Variants in LSM12 observed in about 807,000 individuals in gnomAD.
The protein encoded by LSM12 is LSM12 homolog.
For missense variants in LSM12, 108 were observed against 238.9 expected, an observed-to-expected ratio of 0.45 and a Z score of 3.61; for synonymous variants, 74 against 87.3, an observed-to-expected ratio of 0.85 and a Z score of 0.85.
intron 1 of LSM12, 112 bp from the exon 2 acceptor site, chr17:44,064,046 G>A (rs2049835242): frequency 1.7e-6 from 2 of 1,144,628 alleles, no homozygotes; most frequent in African/African-American, 3.1e-5. Flanking sequence ...GGCAGGCCAG[G>A]AGCATGAGGG....
intron 2 of LSM12, among the ~76,000 whole-genome samples, chr17:44,060,645 T>A (rs937591131): frequency 3.3e-5 from 5 of 152,194 alleles, no homozygotes; most frequent in African/African-American, 9.6e-5. Flanking sequence ...GTAAGAAAAG[T>A]AAAGATTTCT....
chr17:44,063,658 T>C (rs896146990), intron 2 of LSM12, 143 bp downstream of exon 2: 3 of 1,001,088 alleles, frequency 3.0e-6, no homozygotes, highest in Non-Finnish European at 4.1e-6. Flanking sequence ...AAACTAAACC[T>C]ACATTTTTTA....
intron 4 of LSM12, among the ~76,000 whole-genome samples, chr17:44,036,690 A>G (rs544238030): frequency 3.0e-5 from 3 of 100,028 alleles, no homozygotes; most frequent in African/African-American, 1.5e-4. Context: ...TCCTCAGAGG[A>G]AAAAAAAAAA....
intron 2 of LSM12, among the ~76,000 whole-genome samples, chr17:44,044,981 G>C (rs1033768051): frequency 2.6e-5 from 4 of 152,178 alleles, no homozygotes; most frequent in Non-Finnish European, 4.4e-5. Context: ...AGAAAGTGTA[G>C]AATGTGCCTT....
intron 2 of LSM12, among the ~76,000 whole-genome samples, chr17:44,061,700 G>C (rs1319366798): frequency 5.3e-5 from 8 of 152,112 alleles, no homozygotes; most frequent in Non-Finnish European, 1.2e-4. Flanking sequence ...CCCAAGAGAG[G>C]CAAAGTAATA....
chr17:44,053,173 C>T (rs867547323), intron 2 of LSM12, among the ~76,000 whole-genome samples: 1 of 152,184 alleles, frequency 6.6e-6, no homozygotes, highest in Non-Finnish European at 1.5e-5. Context: ...GCTCACTACT[C>T]TATACCAAGG....
intron 2 of LSM12, among the ~76,000 whole-genome samples, chr17:44,055,417 T>C (rs886668032): frequency 6.6e-6 from 1 of 151,054 alleles, no homozygotes; most frequent in African/African-American, 2.4e-5. Flanking sequence ...ATACCAGCAC[T>C]TTCGGAGGCT....
intron 2 of LSM12, among the ~76,000 whole-genome samples, chr17:44,057,623 G>A (rs1265932144): frequency 6.6e-6 from 1 of 151,490 alleles, no homozygotes; most frequent in African/African-American, 2.4e-5. Flanking sequence ...AGCCAGCTGT[G>A]GTGGCAGATG....
intron 4 of LSM12, 80 bp from the exon 5 acceptor site, chr17:44,036,380 C>A: frequency 6.4e-7 from 1 of 1,573,036 alleles, no homozygotes; most frequent in Non-Finnish European, 8.7e-7. Context: ...CAGGTTTCCA[C>A]AGCCCCATCC....
chr17:44,052,358 C>T (rs1378672358), intron 2 of LSM12, among the ~76,000 whole-genome samples: 1 of 151,934 alleles, frequency 6.6e-6, no homozygotes, highest in Non-Finnish European at 1.5e-5. Context: ...TTGGCATGCA[C>T]CTGTAGTCTC....
upstream of LSM12, chr17:44,066,762 A>G (rs1480954533): frequency 6.4e-6 from 5 of 776,206 alleles, no homozygotes; most frequent in Non-Finnish European, 8.6e-6. Flanking sequence ...AAGAGGAAAT[A>G]AAGGGGAATC....
intron 3 of LSM12, 22 bp from the exon 4 acceptor site, chr17:44,037,560 C>A (rs778506707): frequency 1.9e-6 from 3 of 1,593,902 alleles, no homozygotes; most frequent in Non-Finnish European, 2.6e-6. Flanking sequence ...AGACAGCAGG[C>A]GAAATGTAAC....
chr17:44,044,452 C>T (rs1293566034), intron 2 of LSM12, among the ~76,000 whole-genome samples: 1 of 152,114 alleles, frequency 6.6e-6, no homozygotes, highest in African/African-American at 2.4e-5. Context: ...GCAAACATCC[C>T]AAATGCTAAA....
Position 44,036,237 on chromosome 17 carries a change from G to C in LSM12, c.559C>G (p.Pro187Ala). 6.2e-7 allele frequency: 1 copy of C among 1,613,368 alleles called. No individual in the cohort carries two copies. The highest frequency in any genetic ancestry group is 8.5e-7 in the Non-Finnish European group (1 of 1,179,896). Residue 187 changes from proline to alanine, a missense_variant, in exon 5 of 5, where the codon CCA (proline) becomes GCA (alanine). Pro to Ala is a conservative substitution (Grantham distance 27, BLOSUM62 -1). Coordinates refer to ENST00000293406, the MANE Select transcript of LSM12 (RefSeq NM_001371445.1). ...GATGACAGGGCAGCCTCCTTCTGTG[G>C]TTGCTGGGCTTGTGAACGTTGCAGT... ...KILQRSQAQQ[P>A]QKEAALSS
chr17:44,036,581 C>T (rs1475593742), intron 4 of LSM12, among the ~76,000 whole-genome samples: 1 of 152,144 alleles, frequency 6.6e-6, no homozygotes, highest in African/African-American at 2.4e-5. Flanking sequence ...ATGACCTAAA[C>T]TCCTCCTCTC....
At position 44,041,290 on chromosome 17, in the gene LSM12, AACACACACACACACAC is replaced by A. The variant is rs72358942; in HGVS notation, c.259-1050_259-1035del. On this transcript the variant is annotated intron_variant, in intron 2 of 4. Coordinates refer to ENST00000293406, the MANE Select transcript of LSM12 (RefSeq NM_001371445.1). ...TGTCTCTTTAAAAAAAAAAAAAACAAACACACACACACACACACACACACACACACACACACACACA... is the reference window on the plus strand; with the variant it reads ...TGTCTCTTTAAAAAAAAAAAAAACAAACACACACACACACACACACACACA... Among the ~76,000 whole-genome samples, 313 of 110,458 alleles carry A rather than the reference AACACACACACACACAC, an allele frequency of 2.8e-3. 7 individuals carry two copies. Among genetic ancestry groups the A allele is most frequent in the Admixed American group, 2.4e-3 (25 of 10,298 alleles). 72.5% of individuals were successfully genotyped at this position (110,458 alleles called of 152,430 possible). A position where few individuals can be genotyped will look rare whatever the true frequency, so the allele number is the denominator to read the frequency against.
At chr17:44,036,332 A>G in intron 4 of LSM12, 32 bp from the exon 5 acceptor site, 1 of 1,613,686 alleles carries the variant, frequency 6.2e-7, no homozygotes, top group East Asian at 2.2e-5. Context: ...AGGTCAACAA[A>G]GGAGATGCGG....
At position 44,035,779 on chromosome 17, in the gene LSM12, G is replaced by A. The variant is rs1389736574; in HGVS notation, c.*429C>T. ...GGTCTCAATTTAAGAATCACAGTCA[G>A]CTTGTTACTTTTATTTTGGAAGAAA... On this transcript the variant is annotated 3_prime_UTR_variant, in exon 5 of 5. Transcript: ENST00000293406. 1.3e-5 allele frequency: 2 copies of A among 153,440 alleles called. No homozygotes were observed. Among genetic ancestry groups the A allele is most frequent in the African/African-American group, 4.9e-5 (2 of 41,180 alleles). The allele number at this position is 153,440 out of a possible 1,614,324, so 9.5% of individuals were successfully genotyped here.
chr17:44,061,803 A>G (rs1395752109), intron 2 of LSM12, among the ~76,000 whole-genome samples: 2 of 152,232 alleles, frequency 1.3e-5, no homozygotes, highest in African/African-American at 4.8e-5. Context: ...AATTGGAGGC[A>G]TCTTATTCAT....
Sources: gnomAD v4.1 joint callset for allele counts (sites outside exome capture counted in the v4.1 genomes callset) on GRCh38, gnomAD v4.1.1 for gene constraint, MANE v1.5 for transcripts, NCBI Gene and HGNC (gene_info 2026-07-23, HGNC 2026-07-21) for gene names.